Variants in ZYG11B observed in about 807,000 individuals in gnomAD.
ZYG11B encodes the protein zyg-11 family member B, cell cycle regulator.
ZYG11B carries 36 observed loss-of-function variants against 82.4 expected under a neutral mutation model. The observed-to-expected ratio is 0.44, with a 90% CI of 0.33 to 0.58. The LOEUF is 0.58. Among genes scored for constraint, ZYG11B ranks in the 20% least tolerant of loss-of-function variants. The pLI, the probability that ZYG11B is intolerant of heterozygous loss-of-function variation, is 0.02. For missense variants in ZYG11B, 552 were observed against 895.6 expected (o/e 0.62, Z 4.90); for synonymous variants, 303 against 312.8 (o/e 0.97, Z 0.33).
rs192775116 is a variant in ZYG11B at position 52,819,533 on chromosome 1, T to C, written c.2045-1906T>C. Among the ~76,000 whole-genome samples the C allele has an allele frequency of 1.5e-3, 228 of 152,142 alleles. 7 individuals are homozygous for C. The East Asian group carries it at 0.037, about 25-fold the overall frequency. The stretch of plus-strand genomic sequence containing the variant: ...CTGGGCATGGTGGCTCACGCCTGTA[T>C]TCCCAGCACTTTCGGAGGCCAAGGC... On this transcript the variant is annotated intron_variant, in intron 13 of 13. Coordinates refer to ENST00000294353, the MANE Select transcript of ZYG11B (RefSeq NM_024646.3).
intron 1 of ZYG11B, among the ~76,000 whole-genome samples, chr1:52,737,016 G>A (rs1197376469): frequency 1.3e-5 from 2 of 151,912 alleles, no homozygotes; most frequent in Non-Finnish European, 2.9e-5. Context: ...TGAACATTAT[G>A]CTGTTTTTTG....
intron 13 of ZYG11B, among the ~76,000 whole-genome samples, chr1:52,818,293 C>T (rs981264742): frequency 5.3e-5 from 8 of 151,742 alleles, no homozygotes; most frequent in African/African-American, 1.5e-4. Context: ...GGCAACATGG[C>T]GAAACCTAGT....
chr1:52,805,796 T>TC (rs1247210577), intron 10 of ZYG11B, among the ~76,000 whole-genome samples: 4 of 151,916 alleles, frequency 2.6e-5, no homozygotes, highest in African/African-American at 9.7e-5. Context: ...GCCACTGTAC[T>TC]CCAAGCCTGG....
intron 1 of ZYG11B, among the ~76,000 whole-genome samples, chr1:52,751,230 G>GT (rs1270753242): frequency 6.6e-6 from 1 of 151,342 alleles, no homozygotes; most frequent in African/African-American, 2.4e-5. Flanking sequence ...TCCTCCCAAA[G>GT]TACTGGGATT....
chr1:52,791,578 A>T (rs1050640794), intron 6 of ZYG11B, among the ~76,000 whole-genome samples: 19 of 152,080 alleles, frequency 1.2e-4, no homozygotes, highest in African/African-American at 4.6e-4. Context: ...CATGTTGGCC[A>T]GGCTGGTCTC....
chr1:52,775,713 A>G (rs188464801), intron 3 of ZYG11B, among the ~76,000 whole-genome samples: 1 of 152,062 alleles, frequency 6.6e-6, no homozygotes, highest in East Asian at 1.9e-4. Context: ...ACAACAACAA[A>G]AAGATATCTG....
intron 4 of ZYG11B, among the ~76,000 whole-genome samples, chr1:52,780,502 A>T (rs1571773382): frequency 6.6e-6 from 1 of 152,212 alleles, no homozygotes; most frequent in African/African-American, 2.4e-5. Flanking sequence ...TATTAAAAAA[A>T]TAAAAAAAAG....
rs1256942703 is a variant in ZYG11B, at chr1:52,822,819, CAGTAT to C, written c.*1195_*1199del. 3 of 152,088 alleles carry C rather than the reference CAGTAT, an allele frequency of 2.0e-5. No individual in the cohort carries two copies. Among genetic ancestry groups the C allele is most frequent in the Non-Finnish European group, 4.4e-5 (3 of 68,006 alleles). The allele number at this position is 152,088 out of a possible 1,614,324, so 9.4% of individuals were successfully genotyped here. ...TTACCTTTCCTTAAGGTATCTGATA[CAGTAT>C]AGTAAAGAATCACTTATATCAGTAA... is the stretch of plus-strand genomic sequence containing the variant. On this transcript the variant is annotated 3_prime_UTR_variant, in exon 14 of 14. Coordinates refer to ENST00000294353, the MANE Select transcript of ZYG11B (RefSeq NM_024646.3).
chr1:52,764,196 T>C (rs943707643), intron 2 of ZYG11B, among the ~76,000 whole-genome samples: 7 of 152,150 alleles, frequency 4.6e-5, no homozygotes, highest in African/African-American at 1.4e-4. Context: ...CTATCTCGGC[T>C]CACTGCAACC....
intron 4 of ZYG11B, among the ~76,000 whole-genome samples, chr1:52,782,563 A>G (rs1434856130): frequency 6.6e-6 from 1 of 151,530 alleles, no homozygotes; most frequent in Non-Finnish European, 1.5e-5. Flanking sequence ...TAATTTTTCA[A>G]ATTTTTAAAA....
chr1:52,756,095 T>C (rs181592805), intron 1 of ZYG11B, among the ~76,000 whole-genome samples: 1 of 152,284 alleles, frequency 6.6e-6, no homozygotes, highest in African/African-American at 2.4e-5. Context: ...AGCTTCATAC[T>C]CATGTCTGAA....
At chr1:52,814,116 G>C (rs376229316) in intron 12 of ZYG11B, among the ~76,000 whole-genome samples, 15 of 151,818 alleles carry the variant, frequency 9.9e-5, no homozygotes, top group African/African-American at 3.6e-4. Context: ...CACCTCCCAG[G>C]TTGAAGCAAT....
chr1:52,814,350 A>G (rs1003656791), intron 12 of ZYG11B, among the ~76,000 whole-genome samples: 7 of 152,182 alleles, frequency 4.6e-5, no homozygotes, highest in African/African-American at 1.7e-4. Context: ...GAAGCAAAGT[A>G]TTTTGACTTT....
intron 2 of ZYG11B, among the ~76,000 whole-genome samples, chr1:52,757,440 C>G (rs2149930407): frequency 6.6e-6 from 1 of 151,756 alleles, no homozygotes; most frequent in East Asian, 2.0e-4. Flanking sequence ...CTTTGGGAGG[C>G]CGAGGCAGGT....
intron 4 of ZYG11B, 48 bp downstream of exon 4, chr1:52,780,041 G>T (rs758484955): frequency 3.5e-5 from 54 of 1,546,538 alleles, no homozygotes; most frequent in Non-Finnish European, 4.7e-5. Flanking sequence ...ATCTCCCTGG[G>T]CAGATGATTT....
chr1:52,794,306 G>A (rs1030094369), intron 6 of ZYG11B, among the ~76,000 whole-genome samples: 2 of 152,080 alleles, frequency 1.3e-5, no homozygotes, highest in African/African-American at 4.8e-5. Flanking sequence ...GGCACACATT[G>A]ATTGGAAACT....
chr1:52,762,241 C>T (rs1366145655), intron 2 of ZYG11B, among the ~76,000 whole-genome samples: 2 of 146,808 alleles, frequency 1.4e-5, no homozygotes, highest in African/African-American at 2.5e-5. Context: ...CAGGGTCTCA[C>T]TCTGTTATGC....
At chr1:52,767,076 GTTA>G (rs1215241825) in intron 2 of ZYG11B, among the ~76,000 whole-genome samples, 1 of 148,916 alleles carries the variant, frequency 6.7e-6, no homozygotes, top group Non-Finnish European at 1.5e-5. Context: ...TATTTTTTAT[GTTA>G]TTTTATGTTA....
intron 1 of ZYG11B, among the ~76,000 whole-genome samples, chr1:52,751,579 G>A (rs1019814041): frequency 1.3e-5 from 2 of 152,070 alleles, no homozygotes; most frequent in Non-Finnish European, 2.9e-5. Flanking sequence ...GTTGCAGTGA[G>A]CCAAGATTAC....
Sources: allele counts gnomAD v4.1 joint callset (sites outside exome capture counted in the v4.1 genomes callset), GRCh38; gene constraint gnomAD v4.1.1; transcripts MANE v1.5; gene names NCBI Gene and HGNC (gene_info 2026-07-23, HGNC 2026-07-21).